Variants in EFHB observed in about 807,000 individuals in gnomAD.
EFHB encodes the protein EF-hand domain family member B, also known as EF-hand domain-containing family member B.
EFHB carries 91 observed loss-of-function variants against 87.2 expected under a neutral mutation model. That is an observed-to-expected ratio of 1.04 (90% CI 0.88 to 1.24). The LOEUF (loss-of-function observed/expected upper bound fraction) is 1.24. EFHB is among the 50% of genes most tolerant of loss of function. The pLI, the probability that EFHB is intolerant of heterozygous loss-of-function variation, is 0.00. For missense variants in EFHB, 1,084 were observed against 998.8 expected (o/e 1.09, Z -1.15); for synonymous variants, 325 against 333.6 (o/e 0.97, Z 0.28).
At chr3:19,881,708 C>T (rs1376730742) in intron 12 of EFHB, among the ~76,000 whole-genome samples, 12 of 152,178 alleles carry the variant, frequency 7.9e-5, no homozygotes, top group African/African-American at 2.6e-4. Flanking sequence ...GCCATTAATT[C>T]GGTTAGTATT....
intron 1 of EFHB, among the ~76,000 whole-genome samples, chr3:19,921,592 G>A (rs553412218): frequency 1.3e-5 from 2 of 152,154 alleles, no homozygotes; most frequent in South Asian, 2.1e-4. Context: ...GGCTGGGGGG[G>A]CCAAGATGGG....
At chr3:19,942,015 A>G (rs1260777447) in intron 1 of EFHB, among the ~76,000 whole-genome samples, 3 of 151,022 alleles carry the variant, frequency 2.0e-5, no homozygotes, top group Non-Finnish European at 4.4e-5. Flanking sequence ...AAAATTACCC[A>G]GGCGTGGTGG....
intron 6 of EFHB, among the ~76,000 whole-genome samples, chr3:19,903,126 G>A (rs1030064753): frequency 4.0e-5 from 6 of 151,498 alleles, no homozygotes; most frequent in African/African-American, 9.7e-5. Context: ...GCAGTGAGCC[G>A]AGATCATGCC....
chr3:19,908,562 AAG>A (rs71624361), intron 5 of EFHB, among the ~76,000 whole-genome samples: 1,093 of 83,806 alleles, frequency 0.013, 25 homozygotes, highest in Admixed American at 0.017. Flanking sequence ...GAAAGAGAGA[AAG>A]AGAGAGAGAG....
At chr3:19,881,347 C>A (rs1297958897) in intron 12 of EFHB, among the ~76,000 whole-genome samples, 1 of 152,184 alleles carries the variant, frequency 6.6e-6, no homozygotes, top group Admixed American at 6.5e-5. Flanking sequence ...AACATGTCTA[C>A]TGAAATCTAT....
At chr3:19,944,356 A>AAG (rs1193040720) in intron 1 of EFHB, among the ~76,000 whole-genome samples, 2 of 152,208 alleles carry the variant, frequency 1.3e-5, no homozygotes, top group African/African-American at 4.8e-5. Flanking sequence ...TATAAGCATC[A>AAG]AAGACAGTGT....
chr3:19,885,039 T>C (rs1694048976), intron 10 of EFHB, among the ~76,000 whole-genome samples: 1 of 151,386 alleles, frequency 6.6e-6, no homozygotes, highest in Admixed American at 6.6e-5. Context: ...CTGGCCAACA[T>C]GATGAAACCC....
intron 5 of EFHB, among the ~76,000 whole-genome samples, chr3:19,907,450 C>T (rs1694877305): frequency 1.3e-5 from 2 of 152,032 alleles, no homozygotes; most frequent in African/African-American, 4.8e-5. Context: ...TATGGAAATC[C>T]TGAAGATCAA....
At chr3:19,906,438 A>G (rs567371313) in intron 5 of EFHB, among the ~76,000 whole-genome samples, 1 of 152,374 alleles carries the variant, frequency 6.6e-6, no homozygotes, top group East Asian at 1.9e-4. Flanking sequence ...CAAAAAAGAA[A>G]TCAAGAAAAT....
upstream of EFHB, among the ~76,000 whole-genome samples, chr3:19,936,873 T>TAATAAATAAATAAATA (rs71634883): frequency 2.2e-5 from 3 of 136,598 alleles, no homozygotes; most frequent in Non-Finnish European, 3.1e-5. Flanking sequence ...CATCTCAAAA[T>TAATAAATAAATAAATA]AATAAATAAA....
chr3:19,916,487 C>G (rs557929589), intron 4 of EFHB, among the ~76,000 whole-genome samples: 2 of 152,002 alleles, frequency 1.3e-5, no homozygotes, highest in East Asian at 3.9e-4. Context: ...TGCACTCCAG[C>G]CTGGGCAACA....
chr3:19,924,068 T>TA lies in EFHB; in HGVS notation c.790-3502dup, dbSNP rs200888202. Among the ~76,000 whole-genome samples the TA allele has an allele frequency of 5.7e-3, 868 of 152,220 alleles. 6 individuals carry two copies. The highest frequency in any genetic ancestry group is 0.02 in the African/African-American group (847 of 41,524). On this transcript the variant is annotated intron_variant, in intron 1 of 12. Transcript: ENST00000295824. ...CAACAAAGTGAGACCCTTATCTCTTTAAAAAAATAATAATAACTAGTGATG... is the reference window on the plus strand; with the variant it reads ...CAACAAAGTGAGACCCTTATCTCTTTAAAAAAAATAATAATAACTAGTGATG...
upstream of EFHB, chr3:19,936,164 G>T: frequency 7.2e-7 from 1 of 1,389,294 alleles, no homozygotes; most frequent in Non-Finnish European, 9.8e-7. Flanking sequence ...ACTTCGGGAA[G>T]CCAAGGCAGA....
chr3:19,907,597 C>A (rs1694882462), intron 5 of EFHB, among the ~76,000 whole-genome samples: 1 of 152,126 alleles, frequency 6.6e-6, no homozygotes, highest in African/African-American at 2.4e-5. Context: ...ATTTCATTTA[C>A]CTCATATTAG....
chr3:19,920,613 A>T (rs1312986469), intron 1 of EFHB, 46 bp from the exon 2 acceptor site: 2 of 1,450,724 alleles, frequency 1.4e-6, no homozygotes, highest in African/African-American at 2.9e-5. Context: ...GTGGAAGAGG[A>T]GCATTTTGAA....
At chr3:19,884,338 C>A (rs2071757723) in intron 11 of EFHB, 65 bp downstream of exon 11, 2 of 1,430,644 alleles carry the variant, frequency 1.4e-6, no homozygotes, top group South Asian at 2.6e-5. Context: ...AGGCAGGGGA[C>A]AATGCAAGGA....
intron 1 of EFHB, among the ~76,000 whole-genome samples, chr3:19,927,043 C>A (rs1202533454): frequency 6.6e-6 from 1 of 152,140 alleles, no homozygotes; most frequent in Non-Finnish European, 1.5e-5. Context: ...GCAGCCTCAA[C>A]CTCCCATAGC....
intron 9 of EFHB, 102 bp downstream of exon 9, chr3:19,896,585 G>A (rs773309261): frequency 1.4e-6 from 2 of 1,451,408 alleles, no homozygotes; most frequent in South Asian, 1.1e-5. Context: ...ACAGTGGGCT[G>A]GATTTGGCCC....
upstream of EFHB, among the ~76,000 whole-genome samples, chr3:19,937,061 C>T (rs181302753): frequency 1.2e-3 from 173 of 145,608 alleles, no homozygotes; most frequent in African/African-American, 4.2e-3. Flanking sequence ...CTCAGCTACT[C>T]GGGAGGCTGA....
Sources: allele counts gnomAD v4.1 joint callset (sites outside exome capture counted in the v4.1 genomes callset), GRCh38; gene constraint gnomAD v4.1.1; transcripts MANE v1.5; gene names NCBI Gene and HGNC (gene_info 2026-07-23, HGNC 2026-07-21).